Variants in RBMS1 observed in about 807,000 individuals in gnomAD.
The protein encoded by RBMS1 is RNA binding motif single stranded interacting protein 1, also known as RNA-binding motif, single-stranded-interacting protein 1.
RBMS1 carries 17 observed loss-of-function variants against 62.3 expected under a neutral mutation model. That is an observed-to-expected ratio of 0.27 (90% CI 0.19 to 0.41). The LOEUF (loss-of-function observed/expected upper bound fraction) is 0.41, where lower values mean the gene tolerates loss of function less well. Ranked by LOEUF, RBMS1 falls within the 10% of genes least tolerant of loss-of-function variation. The probability of loss-of-function intolerance (pLI) is 1.00; values close to 1 mark genes in which losing one functional copy is unlikely to be tolerated. For synonymous variants in RBMS1, 172 were observed against 170.0 expected (o/e 1.01, Z -0.09); for missense variants, 334 against 504.5 (o/e 0.66, Z 3.24).
chr2:160,447,310 C>T (rs1266823836), intron 1 of RBMS1, among the ~76,000 whole-genome samples: 1 of 152,146 alleles, frequency 6.6e-6, no homozygotes, highest in Non-Finnish European at 1.5e-5. Context: ...AGTATATGTT[C>T]CTTCTGCCCA....
intron 2 of RBMS1, among the ~76,000 whole-genome samples, chr2:160,347,848 A>C (rs777184254): frequency 6.6e-6 from 1 of 152,032 alleles, no homozygotes; most frequent in Non-Finnish European, 1.5e-5. Flanking sequence ...TGATATCCTT[A>C]ATCTTCTGTT....
At chr2:160,283,287 CT>C (rs1009694812) in intron 9 of RBMS1, 1 of 152,194 alleles carries the variant, frequency 6.6e-6, no homozygotes, top group Admixed American at 6.5e-5. Context: ...TTAAGAAAGA[CT>C]ACCTTTTCAT....
intron 6 of RBMS1, among the ~76,000 whole-genome samples, chr2:160,297,144 G>A (rs1688977993): frequency 6.6e-6 from 1 of 152,172 alleles, no homozygotes; most frequent in Non-Finnish European, 1.5e-5. Context: ...TACAGATTGG[G>A]AAGTAGAATT....
At position 160,442,470 on chromosome 2, in the gene RBMS1, C is replaced by T. The variant is rs569165255; in HGVS notation, c.75+50819G>A. On this transcript the variant is annotated intron_variant, in intron 1 of 13. Transcript: ENST00000348849. ...TTTACATGTAAGTTGTACATGCCCACGCCATGCTGATTTTATTTTCTGCTG... is the reference window on the plus strand; with the variant it reads ...TTTACATGTAAGTTGTACATGCCCATGCCATGCTGATTTTATTTTCTGCTG... Among the ~76,000 whole-genome samples, 56 of 152,278 alleles carry T rather than the reference C, an allele frequency of 3.7e-4. 1 individual carries two copies. The Middle Eastern group carries it at 0.017, about 46-fold the overall frequency.
chr2:160,324,719 AG>A (rs1365180712), intron 2 of RBMS1, among the ~76,000 whole-genome samples: 1 of 151,822 alleles, frequency 6.6e-6, no homozygotes, highest in East Asian at 1.9e-4. Context: ...TAGGAGGGAC[AG>A]GGGATTGAAA....
At chr2:160,350,127 G>A (rs1402752820) in intron 2 of RBMS1, among the ~76,000 whole-genome samples, 1 of 152,026 alleles carries the variant, frequency 6.6e-6, no homozygotes, top group African/African-American at 2.4e-5. Flanking sequence ...GTTATGGGGA[G>A]AGGAGGCAGA....
intron 1 of RBMS1, among the ~76,000 whole-genome samples, chr2:160,399,042 G>T (rs890540492): frequency 6.6e-6 from 1 of 152,178 alleles, no homozygotes; most frequent in African/African-American, 2.4e-5. Flanking sequence ...CTACCCTGCA[G>T]TCAACCTAAC....
At chr2:160,334,019 C>T (rs1428356203) in intron 2 of RBMS1, among the ~76,000 whole-genome samples, 1 of 151,938 alleles carries the variant, frequency 6.6e-6, no homozygotes, top group Non-Finnish European at 1.5e-5. Context: ...CATGAGATGC[C>T]CATATTTATA....
At chr2:160,377,881 G>A (rs1009541221) in intron 1 of RBMS1, among the ~76,000 whole-genome samples, 1 of 152,174 alleles carries the variant, frequency 6.6e-6, no homozygotes, top group African/African-American at 2.4e-5. Context: ...AGGGAGAACT[G>A]GGCTTCCAGT....
At chr2:160,362,441 T>C (rs1363485958) in intron 2 of RBMS1, among the ~76,000 whole-genome samples, 1 of 152,192 alleles carries the variant, frequency 6.6e-6, no homozygotes, top group African/African-American at 2.4e-5. Flanking sequence ...TGGAGGCCAC[T>C]GCAGGGCTAT....
At chr2:160,493,119 C>T in intron 1 of RBMS1, 170 bp downstream of exon 1, 1 of 612,964 alleles carries the variant, frequency 1.6e-6, no homozygotes, top group Non-Finnish European at 2.7e-6. Context: ...GAAGCCGCCG[C>T]CCCGCGCGCC....
chr2:160,367,061 TAAG>T (rs1693438144), intron 2 of RBMS1, 152 bp downstream of exon 2: 1 of 613,566 alleles, frequency 1.6e-6, no homozygotes, highest in Non-Finnish European at 2.6e-6. Context: ...AAAAAGTATT[TAAG>T]AAGTTAAAAC....
intron 1 of RBMS1, among the ~76,000 whole-genome samples, chr2:160,449,275 G>A (rs1290241022): frequency 2.6e-5 from 4 of 151,836 alleles, no homozygotes; most frequent in South Asian, 4.2e-4. Flanking sequence ...CAGCCGCCCC[G>A]TCTGGGAAGT....
At chr2:160,414,329 A>G (rs1368499303) in intron 1 of RBMS1, among the ~76,000 whole-genome samples, 2 of 151,634 alleles carry the variant, frequency 1.3e-5, no homozygotes, top group Non-Finnish European at 2.9e-5. Flanking sequence ...TTCTGGAATC[A>G]TTGGTGGGAC....
intron 1 of RBMS1, chr2:160,408,006 C>T: frequency 1.3e-6 from 1 of 779,232 alleles, no homozygotes; most frequent in Non-Finnish European, 1.6e-6. Context: ...CGGCGCCTGC[C>T]GCCCCATCGC....
At chr2:160,439,275 G>T (rs1391149623) in intron 1 of RBMS1, among the ~76,000 whole-genome samples, 3 of 149,332 alleles carry the variant, frequency 2.0e-5, no homozygotes, top group African/African-American at 7.5e-5. Flanking sequence ...GCTGCTGGGC[G>T]GAAGGGCTCC....
At chr2:160,314,369 A>G (rs1378387542) in intron 3 of RBMS1, among the ~76,000 whole-genome samples, 2 of 152,162 alleles carry the variant, frequency 1.3e-5, no homozygotes. Flanking sequence ...AATGAATAAG[A>G]ATACTTTGCA....
intron 1 of RBMS1, among the ~76,000 whole-genome samples, chr2:160,453,089 TATGATGATGATG>T (rs34689714): frequency 2.1e-3 from 289 of 139,120 alleles, no homozygotes; most frequent in Non-Finnish European, 3.5e-3. Context: ...TAACTACTGT[TATGATGATGATG>T]ATGATGATGA....
At chr2:160,478,340 C>G (rs1685228049) in intron 1 of RBMS1, among the ~76,000 whole-genome samples, 1 of 152,122 alleles carries the variant, frequency 6.6e-6, no homozygotes, top group Non-Finnish European at 1.5e-5. Flanking sequence ...TAAACAAAAA[C>G]AAACAAACAA....
Sources: allele counts gnomAD v4.1 joint callset (sites outside exome capture counted in the v4.1 genomes callset), GRCh38; gene constraint gnomAD v4.1.1; transcripts MANE v1.5; gene names NCBI Gene and HGNC (gene_info 2026-07-23, HGNC 2026-07-21).